The following MESD variants were observed in gnomAD, a reference collection of about 807,000 sequenced individuals.
The protein encoded by MESD is mesoderm development LRP chaperone.
A neutral mutation model predicts 12.9 loss-of-function variants in MESD; 7 were observed. The observed-to-expected ratio is 0.54, with a 90% CI of 0.31 to 1.02. MESD has a LOEUF of 1.02. MESD is among the 50% of genes least tolerant of loss of function. The pLI is 0.05. For missense variants in MESD, 342 were observed against 296.7 expected (o/e 1.15, Z -1.12); for synonymous variants, 126 against 115.6 (o/e 1.09, Z -0.58).
intron 3 of MESD, among the ~76,000 whole-genome samples, chr15:80,967,018 C>A (rs912985984): frequency 5.9e-5 from 9 of 152,154 alleles, no homozygotes; most frequent in Admixed American, 6.5e-5. Context: ...CTTGGCCGGG[C>A]GCAGTGGCTC....
intron 3 of MESD, among the ~76,000 whole-genome samples, chr15:80,955,707 G>A (rs1369182673): frequency 1.3e-5 from 2 of 149,928 alleles, no homozygotes; most frequent in East Asian, 2.2e-4. Context: ...TGCAACCTCC[G>A]CCCCCCAGGT....
Position 80,989,711 on chromosome 15 carries a change from T to TG in MESD, c.80dup (p.Pro28ThrfsTer33), listed in dbSNP as rs1406026055. The stretch of plus-strand genomic sequence containing the variant: ...CTTCGGCCGCGCAGGACCCAGGCGG[T>TG]GGTAGCAGTAGCAGCAGCAGCAGCA... On this transcript the variant is annotated frameshift_variant, in exon 1 of 3. Coordinates refer to ENST00000261758, the MANE Select transcript of MESD (RefSeq NM_015154.3). LOFTEE classifies it high-confidence loss of function. The TG allele has an allele frequency of 1.2e-6, 2 of 1,610,090 alleles. No individual in the cohort carries two copies. Among genetic ancestry groups the TG allele is most frequent in the Non-Finnish European group, 1.7e-6 (2 of 1,179,918 alleles).
intron 3 of MESD, among the ~76,000 whole-genome samples, chr15:80,960,834 A>C (rs1223967768): frequency 1.3e-5 from 2 of 152,162 alleles, no homozygotes; most frequent in Admixed American, 1.3e-4. Context: ...TTAAGGCCCC[A>C]AGAGGCCGAG....
chr15:80,970,910 A>G (rs1188319898), downstream of MESD, among the ~76,000 whole-genome samples: 1 of 152,220 alleles, frequency 6.6e-6, no homozygotes, highest in Non-Finnish European at 1.5e-5. Flanking sequence ...TGCTGAAGGT[A>G]GGCCTGGGTG....
chr15:80,957,139 T>C (rs1902003547), intron 3 of MESD, among the ~76,000 whole-genome samples: 1 of 152,198 alleles, frequency 6.6e-6, no homozygotes, highest in South Asian at 2.1e-4. Flanking sequence ...CATCTTCTCT[T>C]GTGGGAGGAA....
At chr15:80,948,620 C>A in exon 5 of MESD, 3 of 833,176 alleles carry the variant, frequency 3.6e-6, no homozygotes, top group Non-Finnish European at 2.0e-6. Context: ...CCCATACAAA[C>A]ACATGTCAGG....
At chr15:80,960,849 G>A (rs554782418) in intron 3 of MESD, among the ~76,000 whole-genome samples, 1 of 152,190 alleles carries the variant, frequency 6.6e-6, no homozygotes, top group African/African-American at 2.4e-5. Flanking sequence ...GCCGAGACAT[G>A]TCCAGCAGCT....
rs1902449782 is a variant in MESD at position 80,977,523 on chromosome 15, G to A, written c.*1696C>T. 6.6e-6 allele frequency: 1 copy of A among 152,260 alleles called. No individual in the cohort carries two copies. The highest frequency in any genetic ancestry group is 2.4e-5 in the African/African-American group (1 of 41,442). 9.4% of individuals were successfully genotyped at this position (152,260 alleles called of 1,614,324 possible). A position where few individuals can be genotyped will look rare whatever the true frequency, so the allele number is the denominator to read the frequency against. ...CCTAAGTGGAAACAGAAGGTACAGG[G>A]CGGAGTGAAAGCTTTGCTACCTTTT... On this transcript the variant is annotated 3_prime_UTR_variant, in exon 3 of 3. Transcript: ENST00000261758.
intron 3 of MESD, among the ~76,000 whole-genome samples, chr15:80,957,423 A>G (rs1902008124): frequency 6.6e-6 from 1 of 152,218 alleles, no homozygotes; most frequent in South Asian, 2.1e-4. Context: ...AAAGACCTTC[A>G]GGTTCTGCCA....
chr15:80,989,737 G>A lies in MESD; in HGVS notation c.55C>T (p.Leu19=), dbSNP rs749191367. 1.2e-6 allele frequency: 2 copies of A among 1,604,874 alleles called. No individual in the cohort carries two copies. The highest frequency in any genetic ancestry group is 2.2e-5 in the East Asian group (1 of 44,842). Residue 19 remains leucine, a synonymous_variant, in exon 1 of 3, where the codon CTG becomes TTG. Coordinates refer to ENST00000261758, the MANE Select transcript of MESD (RefSeq NM_015154.3). ...KAVVLLCASD[L]LLLLLLLPPP... ...GGTAGCAGTAGCAGCAGCAGCAGCA[G>A]GTCAGAGGCACAAAGCAGGACCACG...
At chr15:80,967,721 G>A (rs1902201641) in intron 3 of MESD, among the ~76,000 whole-genome samples, 1 of 152,180 alleles carries the variant, frequency 6.6e-6, no homozygotes, top group African/African-American at 2.4e-5. Context: ...AGCCCTCCTT[G>A]GCTGAGAGCT....
intron 3 of MESD, among the ~76,000 whole-genome samples, chr15:80,966,669 T>C (rs1351036471): frequency 6.6e-6 from 1 of 152,230 alleles, no homozygotes; most frequent in Non-Finnish European, 1.5e-5. Context: ...AGTGGCCACC[T>C]GCTCCAGGAA....
chr15:80,979,196 C>CA lies in MESD; in HGVS notation c.*22dup. The CA allele has an allele frequency of 6.2e-7, 1 of 1,603,990 alleles. No homozygotes were observed. Among genetic ancestry groups the CA allele is most frequent in the Non-Finnish European group, 8.5e-7 (1 of 1,174,604 alleles). On this transcript the variant is annotated 3_prime_UTR_variant, in exon 3 of 3. Transcript: ENST00000261758. ...AGCTCTCCACGTCCACCTGTCCCCCCACAGCGCGTCACTGCTGCCCCATCA... is the reference window on the plus strand; with the variant it reads ...AGCTCTCCACGTCCACCTGTCCCCCCAACAGCGCGTCACTGCTGCCCCATCA...
downstream of MESD, among the ~76,000 whole-genome samples, chr15:80,973,132 C>T (rs1257516044): frequency 2.0e-5 from 3 of 152,156 alleles, no homozygotes; most frequent in Non-Finnish European, 2.9e-5. Flanking sequence ...GTGAATATAA[C>T]GCTCAGATGT....
At chr15:80,948,738 G>C in exon 5 of MESD, 1 of 1,611,886 alleles carries the variant, frequency 6.2e-7, no homozygotes, top group Non-Finnish European at 8.5e-7. Context: ...CATGGAACGG[G>C]GTGGGGCAGC....
intron 1 of MESD, among the ~76,000 whole-genome samples, chr15:80,988,957 TCTC>T (rs1473799395): frequency 6.6e-6 from 1 of 152,170 alleles, no homozygotes; most frequent in Non-Finnish European, 1.5e-5. Flanking sequence ...GAAAACTTAC[TCTC>T]CTTTGAACAA....
At chr15:80,973,340 T>G (rs1902331568), downstream of MESD, among the ~76,000 whole-genome samples, 1 of 152,080 alleles carries the variant, frequency 6.6e-6, no homozygotes, top group South Asian at 2.1e-4. Flanking sequence ...TGATGAAACC[T>G]CGTCTCTCGA....
At chr15:80,986,768 C>A (rs1196061650) in intron 1 of MESD, among the ~76,000 whole-genome samples, 1 of 152,212 alleles carries the variant, frequency 6.6e-6, no homozygotes, top group Non-Finnish European at 1.5e-5. Flanking sequence ...GGCTTTAGAG[C>A]TCCTTCATTA....
intron 3 of MESD, among the ~76,000 whole-genome samples, chr15:80,959,446 C>T (rs1457470170): frequency 6.6e-6 from 1 of 152,124 alleles, no homozygotes; most frequent in African/African-American, 2.4e-5. Flanking sequence ...TTCCAAGTGG[C>T]TGCCTGCTTA....
Sources: allele counts gnomAD v4.1 joint callset (sites outside exome capture counted in the v4.1 genomes callset), GRCh38; gene constraint gnomAD v4.1.1; transcripts MANE v1.5; gene names NCBI Gene and HGNC (gene_info 2026-07-23, HGNC 2026-07-21).